WDR93: variants seen among roughly 807,000 people sequenced by gnomAD.
WDR93 encodes the protein WD repeat domain 93.
In WDR93, 73 loss-of-function variants were observed where a neutral mutation model predicts 82.9. The observed-to-expected ratio is 0.88, with a 90% CI of 0.73 to 1.07. WDR93 has a LOEUF of 1.07. Ranked by LOEUF, WDR93 falls within the 50% of genes least tolerant of loss-of-function variation. The pLI, the probability that WDR93 is intolerant of heterozygous loss-of-function variation, is 0.00. For missense variants in WDR93, 738 were observed against 826.0 expected (o/e 0.89, Z 1.31); for synonymous variants, 283 against 300.1 (o/e 0.94, Z 0.59).
chr15:89,741,675 G>A (rs569599241), intron 16 of WDR93, among the ~76,000 whole-genome samples: 1 of 152,128 alleles, frequency 6.6e-6, no homozygotes, highest in Non-Finnish European at 1.5e-5. Context: ...GCTTGGTTCT[G>A]AGACAGTGAA....
At chr15:89,715,492 CAG>C (rs895677483) in intron 6 of WDR93, among the ~76,000 whole-genome samples, 1 of 152,120 alleles carries the variant, frequency 6.6e-6, no homozygotes, top group Non-Finnish European at 1.5e-5. Flanking sequence ...TCTCAATATA[CAG>C]AAATATATAT....
chr15:89,741,620 C>T (rs1967679186), intron 16 of WDR93, among the ~76,000 whole-genome samples: 1 of 152,206 alleles, frequency 6.6e-6, no homozygotes, highest in South Asian at 2.1e-4. Flanking sequence ...TTACCTTCAG[C>T]CCTTTCCTTT....
At position 89,718,962 on chromosome 15, in the gene WDR93, C is replaced by T. The variant is rs373033179; in HGVS notation, c.795+2013C>T. Reference sequence around the variant, plus strand: ...ATCTTTAGTGTGTATTTACATCTTACGTTTATTTTGAAAAATACAGTTTTG... The same window carrying T: ...ATCTTTAGTGTGTATTTACATCTTATGTTTATTTTGAAAAATACAGTTTTG... On this transcript the variant is annotated intron_variant, in intron 7 of 16. Coordinates refer to ENST00000268130, the MANE Select transcript of WDR93 (RefSeq NM_020212.2). Among the ~76,000 whole-genome samples, 14 of 152,288 alleles carry T rather than the reference C, an allele frequency of 9.2e-5. No individual in the cohort carries two copies. The East Asian group carries it at 1.7e-3, about 19-fold the overall frequency.
chr15:89,709,950 G>A (rs1190376135), intron 4 of WDR93, among the ~76,000 whole-genome samples: 3 of 151,918 alleles, frequency 2.0e-5, no homozygotes, highest in Non-Finnish European at 4.4e-5. Context: ...CACGAGGTCA[G>A]TAGAACAAGA....
intron 1 of WDR93, among the ~76,000 whole-genome samples, chr15:89,694,458 C>A (rs571338527): frequency 1.6e-4 from 24 of 152,092 alleles, no homozygotes; most frequent in African/African-American, 3.6e-4. Flanking sequence ...GATGGTCTCG[C>A]TCTCCTGACC....
At chr15:89,706,759 T>C (rs11633156) in intron 4 of WDR93, among the ~76,000 whole-genome samples, 65,517 of 151,942 alleles carry the variant, frequency 0.43, 14,505 homozygotes, top group African/African-American at 0.47. Flanking sequence ...AAAGAAAATA[T>C]TAATATTGGA....
chr15:89,737,786 C>T (rs1489976622), intron 15 of WDR93, 57 bp downstream of exon 15: 92 of 1,605,648 alleles, frequency 5.7e-5, no homozygotes, highest in Non-Finnish European at 7.8e-5. Flanking sequence ...TTAGTTCTCT[C>T]ACAAACAGAG....
At chr15:89,712,393 A>AAT (rs1189750014) in intron 5 of WDR93, among the ~76,000 whole-genome samples, 1 of 94,416 alleles carries the variant, frequency 1.1e-5, no homozygotes, top group African/African-American at 6.5e-5. Context: ...TTTTTCCACT[A>AAT]ATCTTTTTTT....
rs1040987295 is a variant in WDR93, at chr15:89,701,734, G to A, written c.-13G>A. 1.2e-6 allele frequency: 2 copies of A among 1,602,572 alleles called. No homozygotes were observed. Among genetic ancestry groups the A allele is most frequent in the Non-Finnish European group, 1.7e-6 (2 of 1,171,658 alleles). ...TTTCAGTTTCATAGAGGTTCCCAGTGCCACCTTCTGTGATGTCATTCCCAA... is the reference window on the plus strand; with the variant it reads ...TTTCAGTTTCATAGAGGTTCCCAGTACCACCTTCTGTGATGTCATTCCCAA... On this transcript the variant is annotated 5_prime_UTR_variant, in exon 2 of 17. Transcript: ENST00000268130.
In WDR93 at chr15:89,738,159, T is replaced by G. The variant is rs185972982; in HGVS notation, c.1884T>G (p.Pro628=). The change falls in exon 16 of 17, where the codon CCT becomes CCG. Residue 628 remains proline, a synonymous_variant. Transcript: ENST00000268130. Reference sequence around the variant, plus strand: ...ATATCTCAAAAAATTGTACCATTCCTCAAAGGGACTTGGATAACATGGCCT... The same window carrying G: ...ATATCTCAAAAAATTGTACCATTCCGCAAAGGGACTTGGATAACATGGCCT... The part of the protein sequence containing the change: ...LENISKNCTI[P]QRDLDNMAFP... 21 of 1,614,204 alleles carry G rather than the reference T, an allele frequency of 1.3e-5. No individual in the cohort carries two copies. In the East Asian group the frequency reaches 4.5e-4, roughly 34 times the overall value.
At chr15:89,735,612 G>A (rs1294517846) in intron 14 of WDR93, 59 bp downstream of exon 14, 1 of 1,531,542 alleles carries the variant, frequency 6.5e-7, no homozygotes, top group Non-Finnish European at 9.0e-7. Context: ...TTCTGTGAAT[G>A]TGTTCATCTG....
Position 89,735,490 on chromosome 15 carries a change from G to A in WDR93, c.1545G>A (p.Arg515=). ...TGTCTGTATATTTTCTGTCCTATAG[G>A]CCTGTAAAGCACCTGGATAAAACCA... ...QGPTISVLVE[R]PVKHLDKTIC... Residue 515 remains arginine, a splice_region_variant and synonymous_variant, in exon 14 of 17, where the codon AGG becomes AGA. Transcript: ENST00000268130. The A allele has an allele frequency of 1.2e-6, 2 of 1,614,012 alleles. No individual in the cohort carries two copies. The highest frequency in any genetic ancestry group is 1.3e-5 in the African/African-American group (1 of 74,998).
At position 89,739,544 on chromosome 15, in the gene WDR93, G is replaced by C. The variant is rs140806387; in HGVS notation, c.1961+1308G>C. Among the ~76,000 whole-genome samples the C allele has an allele frequency of 1.6e-3, 244 of 152,264 alleles. 5 individuals carry two copies. In the South Asian group the frequency reaches 0.031, roughly 20 times the overall value. On this transcript the variant is annotated intron_variant, in intron 16 of 16. Coordinates refer to ENST00000268130, the MANE Select transcript of WDR93 (RefSeq NM_020212.2). The stretch of plus-strand genomic sequence containing the variant: ...AAGGAACAGTACTCAGGCCATTCTG[G>C]AGAAATAGGTGTCTCTTCTAATCCA...
At chr15:89,730,997 T>A (rs1006142128) in intron 11 of WDR93, among the ~76,000 whole-genome samples, 3 of 152,170 alleles carry the variant, frequency 2.0e-5, no homozygotes, top group African/African-American at 4.8e-5. Context: ...CATTAAAAAA[T>A]TCACAAAGGA....
intron 8 of WDR93, among the ~76,000 whole-genome samples, chr15:89,726,695 T>C (rs1466257679): frequency 6.6e-6 from 1 of 152,124 alleles, no homozygotes; most frequent in Non-Finnish European, 1.5e-5. Flanking sequence ...AGGAAGGTAA[T>C]TGGGTAAATG....
At chr15:89,722,245 C>A in intron 8 of WDR93, 106 bp downstream of exon 8, 2 of 988,914 alleles carry the variant, frequency 2.0e-6, no homozygotes, top group Non-Finnish European at 1.5e-6. Flanking sequence ...ATCAAAATTA[C>A]AAACATAGTT....
chr15:89,704,202 G>A (rs528576861), intron 3 of WDR93: 9 of 151,882 alleles, frequency 5.9e-5, no homozygotes, highest in African/African-American at 2.2e-4. Flanking sequence ...AGCCAGGCGT[G>A]GTGGGCACCC....
chr15:89,699,696 A>G (rs1472304781), intron 1 of WDR93, among the ~76,000 whole-genome samples: 2 of 151,828 alleles, frequency 1.3e-5, no homozygotes, highest in African/African-American at 4.8e-5. Flanking sequence ...CAAGTTCACT[A>G]ATCTTTTCTT....
chr15:89,740,171 T>C lies in WDR93; in HGVS notation c.1961+1935T>C, dbSNP rs187727500. 7.5e-3 allele frequency among the ~76,000 whole-genome samples: 1,150 copies of C among 152,322 alleles called. 18 individuals carry two copies. Among genetic ancestry groups the C allele is most frequent in the African/African-American group, 0.026 (1,098 of 41,558 alleles). On this transcript the variant is annotated intron_variant, in intron 16 of 16. Transcript: ENST00000268130. The stretch of plus-strand genomic sequence containing the variant: ...GTGGTTGCTCAGTAAATGGTAGTTA[T>C]GACCATGATGATGGCTCCCTGCTAA...
Sources: gnomAD v4.1 joint callset for allele counts (sites outside exome capture counted in the v4.1 genomes callset) on GRCh38, gnomAD v4.1.1 for gene constraint, MANE v1.5 for transcripts, NCBI Gene and HGNC (gene_info 2026-07-23, HGNC 2026-07-21) for gene names.